The following PDZRN4 variants were observed in gnomAD, a reference collection of about 807,000 sequenced individuals.
PDZRN4 encodes PDZ domain containing ring finger 4.
In PDZRN4, 70 loss-of-function variants were observed where a neutral mutation model predicts 99.0. That is an observed-to-expected ratio of 0.71 (90% CI 0.58 to 0.86). The LOEUF (loss-of-function observed/expected upper bound fraction) is 0.86, where lower values mean the gene tolerates loss of function less well. Among genes scored for constraint, PDZRN4 ranks in the 40% least tolerant of loss-of-function variants. PDZRN4 has a pLI of 0.00. For synonymous variants in PDZRN4, 551 were observed against 501.6 expected (o/e 1.10, Z -1.32); for missense variants, 1,474 against 1,331.2 (o/e 1.11, Z -1.67).
intron 3 of PDZRN4, among the ~76,000 whole-genome samples, chr12:41,458,385 G>C (rs1024593199): frequency 1.3e-5 from 2 of 152,116 alleles, no homozygotes; most frequent in African/African-American, 4.8e-5. Flanking sequence ...TTGAACTACT[G>C]ACCTCAGGTG....
intron 3 of PDZRN4, among the ~76,000 whole-genome samples, chr12:41,296,480 T>C (rs1951494978): frequency 6.6e-6 from 1 of 152,152 alleles, no homozygotes; most frequent in South Asian, 2.1e-4. Flanking sequence ...GATGAAAGTT[T>C]AACAGAAAAA....
Position 41,203,102 on chromosome 12 carries a change from A to C in PDZRN4, c.843+8914A>C, listed in dbSNP as rs900432176. ...CATGATTCATGAAGTACATAAACACATATTTAAATGATAATAGGCTTTTGT... is the reference window on the plus strand; with the variant it reads ...CATGATTCATGAAGTACATAAACACCTATTTAAATGATAATAGGCTTTTGT... On this transcript the variant is annotated intron_variant, in intron 3 of 9. Transcript: ENST00000402685. 2.0e-5 allele frequency among the ~76,000 whole-genome samples: 3 copies of C among 152,040 alleles called. No homozygotes were observed. In the East Asian group the frequency reaches 5.8e-4, roughly 29 times the overall value.
At chr12:41,360,179 G>A (rs1951954593) in intron 3 of PDZRN4, among the ~76,000 whole-genome samples, 1 of 151,850 alleles carries the variant, frequency 6.6e-6, no homozygotes, top group Admixed American at 6.6e-5. Context: ...TATTAGCATA[G>A]CTATGCTATG....
chr12:41,422,481 G>C (rs1278791157), intron 3 of PDZRN4, among the ~76,000 whole-genome samples: 1 of 152,118 alleles, frequency 6.6e-6, no homozygotes, highest in Non-Finnish European at 1.5e-5. Flanking sequence ...ATTTATGAAG[G>C]AACAAGGTTT....
chr12:41,508,620 A>G (rs1938249670), intron 4 of PDZRN4, among the ~76,000 whole-genome samples: 1 of 152,170 alleles, frequency 6.6e-6, no homozygotes. Context: ...AGAGCCCAAA[A>G]GGGCTATGCG....
chr12:41,261,561 C>T (rs754425093), intron 3 of PDZRN4, among the ~76,000 whole-genome samples: 56 of 152,220 alleles, frequency 3.7e-4, no homozygotes, highest in Non-Finnish European at 1.2e-4. Context: ...GCGATCTCGG[C>T]TCACTGCAAG....
chr12:41,568,188 A>G (rs1402655477), intron 9 of PDZRN4, among the ~76,000 whole-genome samples: 1 of 152,228 alleles, frequency 6.6e-6, no homozygotes, highest in Admixed American at 6.5e-5. Flanking sequence ...GAAATTTAAG[A>G]GTAAAAAATG....
At chr12:41,503,809 A>G (rs1250353121) in intron 3 of PDZRN4, among the ~76,000 whole-genome samples, 1 of 152,210 alleles carries the variant, frequency 6.6e-6, no homozygotes, top group East Asian at 1.9e-4. Flanking sequence ...AATTTAATGT[A>G]CAACTGGAAG....
intron 3 of PDZRN4, among the ~76,000 whole-genome samples, chr12:41,502,895 G>GA (rs140262454): frequency 1.3e-5 from 2 of 151,646 alleles, no homozygotes; most frequent in African/African-American, 2.4e-5. Flanking sequence ...CTAATCACTT[G>GA]AAAAAAAAGG....
intron 3 of PDZRN4, among the ~76,000 whole-genome samples, chr12:41,316,541 T>C (rs1011995871): frequency 3.3e-5 from 5 of 151,632 alleles, no homozygotes; most frequent in Non-Finnish European, 5.9e-5. Flanking sequence ...CCTACAAGTA[T>C]AGACACAACT....
intron 1 of PDZRN4, 126 bp from the exon 2 acceptor site, chr12:41,191,332 T>A: frequency 1.6e-6 from 1 of 611,214 alleles, no homozygotes; most frequent in South Asian, 2.0e-5. Context: ...CATTCAACCA[T>A]CCTTAATTTT....
chr12:41,354,474 C>G (rs777829898), intron 3 of PDZRN4, among the ~76,000 whole-genome samples: 3 of 151,414 alleles, frequency 2.0e-5, no homozygotes, highest in Non-Finnish European at 4.4e-5. Flanking sequence ...CTATGAGTCT[C>G]TTTTTTGGAA....
At chr12:41,554,528 A>G (rs1436057227) in intron 6 of PDZRN4, among the ~76,000 whole-genome samples, 1 of 152,098 alleles carries the variant, frequency 6.6e-6, no homozygotes, top group African/African-American at 2.4e-5. Context: ...TAACATATGG[A>G]TAGGATGGAT....
intron 5 of PDZRN4, among the ~76,000 whole-genome samples, chr12:41,522,572 T>C (rs986056147): frequency 2.0e-5 from 3 of 152,108 alleles, no homozygotes; most frequent in Non-Finnish European, 4.4e-5. Flanking sequence ...CAGAAGGAAA[T>C]GAATTAACAT....
intron 3 of PDZRN4, among the ~76,000 whole-genome samples, chr12:41,227,225 AGAAGTAATT>A (rs1951000861): frequency 6.6e-6 from 1 of 152,190 alleles, no homozygotes; most frequent in African/African-American, 2.4e-5. Context: ...AGTGGTGTTC[AGAAGTAATT>A]CTGATTAAGT....
intron 3 of PDZRN4, among the ~76,000 whole-genome samples, chr12:41,481,741 A>G (rs1270233876): frequency 6.6e-6 from 1 of 152,100 alleles, no homozygotes; most frequent in Non-Finnish European, 1.5e-5. Flanking sequence ...TATATGCTAT[A>G]TTACATTATT....
intron 3 of PDZRN4, among the ~76,000 whole-genome samples, chr12:41,473,122 T>C (rs1953009028): frequency 1.3e-5 from 2 of 152,058 alleles, no homozygotes; most frequent in Admixed American, 6.6e-5. Context: ...TAAAGCCTTA[T>C]GGAATAGATA....
At chr12:41,351,856 G>A (rs1208685826) in intron 3 of PDZRN4, among the ~76,000 whole-genome samples, 1 of 151,740 alleles carries the variant, frequency 6.6e-6, no homozygotes, top group Admixed American at 6.6e-5. Flanking sequence ...AAAATCTCAG[G>A]AGAATAAACT....
chr12:41,506,739 C>G, intron 4 of PDZRN4, 27 bp downstream of exon 4: 1 of 1,577,794 alleles, frequency 6.3e-7, no homozygotes, highest in Non-Finnish European at 8.6e-7. Context: ...TCTTCCAAAG[C>G]CCTGTTTGTT....
Sources: allele counts gnomAD v4.1 joint callset (sites outside exome capture counted in the v4.1 genomes callset), GRCh38; gene constraint gnomAD v4.1.1; transcripts MANE v1.5; gene names NCBI Gene and HGNC (gene_info 2026-07-23, HGNC 2026-07-21).